LRRC7: variants seen among roughly 807,000 people sequenced by gnomAD.
The protein encoded by LRRC7 is leucine-rich repeat-containing protein 7.
A neutral mutation model predicts 175.7 loss-of-function variants in LRRC7; 23 were observed. The ratio of observed to expected loss-of-function variants is 0.13; its 90% CI spans 0.09 to 0.19. The LOEUF is 0.19. LRRC7 is among the 10% of genes least tolerant of loss of function. The probability of loss-of-function intolerance (pLI) is 1.00; values close to 1 mark genes in which losing one functional copy is unlikely to be tolerated. For missense variants in LRRC7, 1,354 were observed against 1,904.7 expected (o/e 0.71, Z 5.38); for synonymous variants, 685 against 680.9 (o/e 1.01, Z -0.09).
chr1:69,924,121 G>A (rs562523530), intron 7 of LRRC7, among the ~76,000 whole-genome samples: 47 of 152,098 alleles, frequency 3.1e-4, no homozygotes, highest in South Asian at 1.9e-3. Flanking sequence ...GTAGATATGC[G>A]GCGTTATTTC....
At chr1:69,570,886 T>G (rs551031122) in intron 1 of LRRC7, among the ~76,000 whole-genome samples, 2 of 152,276 alleles carry the variant, frequency 1.3e-5, no homozygotes, top group African/African-American at 4.8e-5. Flanking sequence ...CTGTGGAAAA[T>G]GTCCTGAGGT....
At chr1:69,665,278 G>T (rs979147841) in intron 1 of LRRC7, among the ~76,000 whole-genome samples, 1 of 152,022 alleles carries the variant, frequency 6.6e-6, no homozygotes, top group Non-Finnish European at 1.5e-5. Context: ...GATGGCTTTC[G>T]CTATTCTGAG....
intron 2 of LRRC7, among the ~76,000 whole-genome samples, chr1:69,689,936 A>G (rs945416042): frequency 6.6e-6 from 1 of 152,240 alleles, no homozygotes; most frequent in African/African-American, 2.4e-5. Context: ...ATTACATCAA[A>G]TTAGATTCAC....
At chr1:69,616,921 G>T (rs916633352) in intron 1 of LRRC7, among the ~76,000 whole-genome samples, 7 of 152,000 alleles carry the variant, frequency 4.6e-5, no homozygotes, top group Admixed American at 4.6e-4. Flanking sequence ...TGAGAGGAAC[G>T]TATGTTCATA....
chr1:69,762,964 C>T (rs1671199130), intron 3 of LRRC7, among the ~76,000 whole-genome samples: 1 of 151,838 alleles, frequency 6.6e-6, no homozygotes, highest in African/African-American at 2.4e-5. Context: ...TTTCATAAAA[C>T]AGCCATGTAA....
At chr1:69,584,017 A>G (rs1191408718) in intron 1 of LRRC7, among the ~76,000 whole-genome samples, 1 of 152,168 alleles carries the variant, frequency 6.6e-6, no homozygotes, top group Non-Finnish European at 1.5e-5. Context: ...AATCTGCAGC[A>G]GATGAAAAGA....
rs1425750421 is a variant in LRRC7 at position 69,583,299 on chromosome 1, ATTT to A, written c.2+14662_2+14664del. Among the ~76,000 whole-genome samples the A allele has an allele frequency of 2.0e-5, 3 of 151,976 alleles. No homozygotes were observed. In the East Asian group the frequency reaches 5.8e-4, roughly 29 times the overall value. On this transcript the variant is annotated intron_variant, in intron 1 of 26. Transcript: ENST00000651989. ...AAATTAACTATACTTTTACAAATAA[ATTT>A]TTTGTTTTGTTAATAAATGGAGTCA...
intron 6 of LRRC7, 29 bp from the exon 7 acceptor site, chr1:69,838,198 G>T: frequency 6.4e-7 from 1 of 1,565,192 alleles, no homozygotes; most frequent in South Asian, 1.1e-5. Context: ...GACATACTAA[G>T]AGGAAATTTT....
chr1:69,646,034 G>C (rs1654958900), intron 1 of LRRC7, among the ~76,000 whole-genome samples: 1 of 151,970 alleles, frequency 6.6e-6, no homozygotes, highest in Non-Finnish European at 1.5e-5. Context: ...TAAAATTTTG[G>C]AAGTCAAGTT....
chr1:69,610,910 C>T (rs186137580), intron 1 of LRRC7, among the ~76,000 whole-genome samples: 2 of 151,864 alleles, frequency 1.3e-5, no homozygotes, highest in East Asian at 3.9e-4. Context: ...GTAGGAAAGA[C>T]CATTGCTTTT....
intron 7 of LRRC7, among the ~76,000 whole-genome samples, chr1:69,904,313 T>C (rs552569734): frequency 2.0e-5 from 3 of 152,216 alleles, no homozygotes; most frequent in African/African-American, 7.2e-5. Context: ...AAAAGAAGAA[T>C]ACTAATTTGA....
intron 7 of LRRC7, among the ~76,000 whole-genome samples, chr1:69,861,047 G>A (rs980877286): frequency 6.6e-6 from 1 of 151,436 alleles, no homozygotes; most frequent in Admixed American, 6.6e-5. Flanking sequence ...TGAGAAAGAG[G>A]AGGAAAACAC....
chr1:69,687,520 C>CAAAAAAAAAAAAAAAAACA (rs1661307853), intron 2 of LRRC7, among the ~76,000 whole-genome samples: 1 of 96,894 alleles, frequency 1.0e-5, no homozygotes, highest in Non-Finnish European at 1.9e-5. Context: ...AAGAAAAAAC[C>CAAAAAAAAAAAAAAAAACA]AAAAAAAAAA....
chr1:69,738,882 TGAA>T (rs1190507296), intron 2 of LRRC7, among the ~76,000 whole-genome samples: 1 of 152,074 alleles, frequency 6.6e-6, no homozygotes, highest in Admixed American at 6.6e-5. Flanking sequence ...AGAAAGTTCT[TGAA>T]GACTCTTTAC....
At chr1:69,758,011 C>T (rs916339712) in intron 2 of LRRC7, among the ~76,000 whole-genome samples, 8 of 151,954 alleles carry the variant, frequency 5.3e-5, no homozygotes, top group African/African-American at 1.4e-4. Flanking sequence ...TTTTCATCCT[C>T]GCTGCCACTA....
intron 3 of LRRC7, among the ~76,000 whole-genome samples, chr1:69,773,260 T>C (rs527397750): frequency 1.3e-5 from 2 of 152,240 alleles, no homozygotes; most frequent in East Asian, 3.9e-4. Context: ...CAGGAGATCC[T>C]CAGAATGCAT....
intron 2 of LRRC7, among the ~76,000 whole-genome samples, chr1:69,718,628 A>C (rs1176011267): frequency 6.6e-6 from 1 of 151,830 alleles, no homozygotes; most frequent in Non-Finnish European, 1.5e-5. Flanking sequence ...GTACTGAGTG[A>C]AAAGGAAACA....
chr1:69,599,401 A>G (rs1646966007), intron 1 of LRRC7, among the ~76,000 whole-genome samples: 2 of 152,300 alleles, frequency 1.3e-5, no homozygotes, highest in South Asian at 2.1e-4. Context: ...GAGATAATTT[A>G]TGTAATTTAT....
At chr1:70,089,215 A>T (rs1663839916) in intron 24 of LRRC7, among the ~76,000 whole-genome samples, 1 of 152,130 alleles carries the variant, frequency 6.6e-6, no homozygotes, top group African/African-American at 2.4e-5. Flanking sequence ...AAACTAAAAG[A>T]TCTAATATTC....
Sources: allele counts gnomAD v4.1 joint callset (sites outside exome capture counted in the v4.1 genomes callset), GRCh38; gene constraint gnomAD v4.1.1; transcripts MANE v1.5; gene names NCBI Gene and HGNC (gene_info 2026-07-23, HGNC 2026-07-21).